The following DENND2A variants were observed in gnomAD, a reference collection of about 807,000 sequenced individuals.
The protein encoded by DENND2A is DENN domain-containing protein 2A.
In DENND2A, 53 loss-of-function variants were observed where a neutral mutation model predicts 105.3. The ratio of observed to expected loss-of-function variants is 0.50; its 90% CI spans 0.40 to 0.63. The LOEUF is 0.63. Ranked by LOEUF, DENND2A falls within the 30% of genes least tolerant of loss-of-function variation. DENND2A has a pLI of 0.00. For synonymous variants in DENND2A, 522 were observed against 508.4 expected (o/e 1.03, Z -0.36); for missense variants, 1,138 against 1,279.6 (o/e 0.89, Z 1.69).
intron 3 of DENND2A, among the ~76,000 whole-genome samples, chr7:140,595,076 G>A (rs1267984061): frequency 2.7e-5 from 4 of 150,922 alleles, no homozygotes; most frequent in Admixed American, 1.3e-4. Flanking sequence ...GCAGGATTTC[G>A]GCTCATTGCA....
intron 10 of DENND2A, among the ~76,000 whole-genome samples, chr7:140,558,806 C>CTTT (rs34152911): frequency 5.7e-5 from 8 of 141,056 alleles, no homozygotes; most frequent in African/African-American, 1.0e-4. Context: ...GTCATTTTCT[C>CTTT]TTTTTTTTTT....
At chr7:140,529,521 A>G (rs1796181885) in intron 14 of DENND2A, among the ~76,000 whole-genome samples, 1 of 152,218 alleles carries the variant, frequency 6.6e-6, no homozygotes, top group African/African-American at 2.4e-5. Flanking sequence ...CACTATTCAC[A>G]ATAACAAAGA....
intron 6 of DENND2A, among the ~76,000 whole-genome samples, chr7:140,572,235 G>GAC (rs1798121875): frequency 1.3e-5 from 2 of 151,692 alleles, no homozygotes; most frequent in African/African-American, 4.8e-5. Flanking sequence ...TTGAACTCCT[G>GAC]GGCTAAAGTG....
Position 140,559,964 on chromosome 7 carries a change from T to G in DENND2A, c.1780-147A>C. The G allele has an allele frequency of 5.8e-6, 4 of 691,382 alleles. No homozygotes were observed. The highest frequency in any genetic ancestry group is 4.7e-5 in the South Asian group (3 of 63,550). The allele number at this position is 691,382 out of a possible 1,614,324, so 42.8% of individuals were successfully genotyped here. A position where few individuals can be genotyped will look rare whatever the true frequency, so the allele number is the denominator to read the frequency against. On this transcript the variant is annotated intron_variant, in intron 9 of 19. Coordinates refer to ENST00000496613, the MANE Select transcript of DENND2A (RefSeq NM_015689.5). This position sits in a 1 kb window ranked among gnomAD's most constrained non-coding sequence, Gnocchi z 4.1. ...CCCTTGGGAAGAGCTTGCAGCTCAG[T>G]CGGCTGGGGCATTTTCCCCCCAGTG...
At chr7:140,555,214 A>T (rs984742930) in intron 12 of DENND2A, among the ~76,000 whole-genome samples, 36 of 150,352 alleles carry the variant, frequency 2.4e-4, no homozygotes, top group Admixed American at 1.1e-3. Flanking sequence ...GCTCACTGCA[A>T]CCTCCGCCTC....
At chr7:140,532,369 G>T (rs770708153) in intron 14 of DENND2A, among the ~76,000 whole-genome samples, 2 of 152,186 alleles carry the variant, frequency 1.3e-5, no homozygotes, top group Non-Finnish European at 2.9e-5. Flanking sequence ...GCCTAAATGT[G>T]ACTTGGAAAC....
chr7:140,572,954 G>A (rs1798156251), intron 6 of DENND2A, among the ~76,000 whole-genome samples: 1 of 152,060 alleles, frequency 6.6e-6, no homozygotes, highest in African/African-American at 2.4e-5. Context: ...CTTATAACAG[G>A]AGGGAAGAAA....
chr7:140,633,596 G>A (rs982509342), intron 1 of DENND2A, among the ~76,000 whole-genome samples: 4 of 152,224 alleles, frequency 2.6e-5, no homozygotes, highest in African/African-American at 7.2e-5. Flanking sequence ...AAGTGGGGAA[G>A]TGTGAGGGAG....
intron 4 of DENND2A, among the ~76,000 whole-genome samples, chr7:140,586,816 T>C (rs1798803224): frequency 6.6e-6 from 1 of 152,222 alleles, no homozygotes; most frequent in African/African-American, 2.4e-5. Flanking sequence ...CCTCCTTCTG[T>C]AAGTTTTTTC....
intron 6 of DENND2A, 118 bp from the exon 7 acceptor site, chr7:140,569,856 G>C (rs1417384898): frequency 2.8e-6 from 2 of 722,388 alleles, no homozygotes; most frequent in Admixed American, 4.2e-5. Flanking sequence ...GGGAGTGGGA[G>C]AAACTTCCCA....
At chr7:140,518,786 G>A in intron 19 of DENND2A, 48 bp from the exon 20 acceptor site, 1 of 1,598,460 alleles carries the variant, frequency 6.3e-7, no homozygotes, top group Non-Finnish European at 8.6e-7. Context: ...ACAAAGGAGG[G>A]TGAGATAAAT....
intron 1 of DENND2A, among the ~76,000 whole-genome samples, chr7:140,628,184 T>C (rs1350659350): frequency 6.6e-6 from 1 of 152,196 alleles, no homozygotes; most frequent in African/African-American, 2.4e-5. Context: ...TTTGCAAGTG[T>C]GGGTAAGCTC....
intron 5 of DENND2A, among the ~76,000 whole-genome samples, chr7:140,574,281 C>T (rs1010873216): frequency 1.3e-5 from 2 of 151,992 alleles, no homozygotes; most frequent in Non-Finnish European, 2.9e-5. Context: ...TGGAATGGCG[C>T]GATCTCTGTT....
chr7:140,611,893 A>G (rs529836734), intron 1 of DENND2A, among the ~76,000 whole-genome samples: 32 of 152,318 alleles, frequency 2.1e-4, no homozygotes, highest in African/African-American at 6.7e-4. Context: ...CATAGCGGTG[A>G]TAGTTGCACA....
chr7:140,580,596 A>G (rs902687537), intron 5 of DENND2A, among the ~76,000 whole-genome samples: 2 of 152,164 alleles, frequency 1.3e-5, no homozygotes, highest in African/African-American at 2.4e-5. Context: ...CTAGGATTAC[A>G]GGCATGGACC....
intron 3 of DENND2A, among the ~76,000 whole-genome samples, chr7:140,600,617 A>G (rs935034182): frequency 6.6e-6 from 1 of 152,152 alleles, no homozygotes; most frequent in African/African-American, 2.4e-5. Context: ...GGATTTAGCA[A>G]GATGGAGGTT....
intron 5 of DENND2A, among the ~76,000 whole-genome samples, chr7:140,583,656 G>A (rs747923895): frequency 8.0e-5 from 12 of 150,412 alleles, no homozygotes; most frequent in East Asian, 3.9e-4. Context: ...TTCGCCGGGC[G>A]CGGTGGCTCA....
In DENND2A at chr7:140,544,943, C is replaced by T. The variant is rs116807966; in HGVS notation, c.2179-177G>A. 412 of 903,894 alleles carry T rather than the reference C, an allele frequency of 4.6e-4. 1 individual carries two copies. The African/African-American group carries it at 6.7e-3, about 15-fold the overall frequency. The allele number at this position is 903,894 out of a possible 1,614,324, so 56.0% of individuals were successfully genotyped here. A position where few individuals can be genotyped will look rare whatever the true frequency, so the allele number is the denominator to read the frequency against. ...GGGGGAAAAGAAAGATGCCAGAAGACGGGGGGCGGAGGAGGTAGCTTTGGT... is the reference window on the plus strand; with the variant it reads ...GGGGGAAAAGAAAGATGCCAGAAGATGGGGGGCGGAGGAGGTAGCTTTGGT... On this transcript the variant is annotated intron_variant, in intron 13 of 19. Coordinates refer to ENST00000496613, the MANE Select transcript of DENND2A (RefSeq NM_015689.5).
chr7:140,611,605 G>C (rs1362942833), intron 1 of DENND2A, among the ~76,000 whole-genome samples: 2 of 152,160 alleles, frequency 1.3e-5, no homozygotes, highest in Non-Finnish European at 2.9e-5. Context: ...ATTTTAAAAA[G>C]TGGTCTATCT....
Sources: gnomAD v4.1 joint callset for allele counts (sites outside exome capture counted in the v4.1 genomes callset) on GRCh38, gnomAD v4.1.1 for gene constraint, Gnocchi (gnomAD v3.1) non-coding constraint, MANE v1.5 for transcripts, NCBI Gene and HGNC (gene_info 2026-07-23, HGNC 2026-07-21) for gene names.